DLGAP1: variants seen among roughly 807,000 people sequenced by gnomAD.
The protein encoded by DLGAP1 is disks large-associated protein 1.
In DLGAP1, 11 loss-of-function variants were observed where a neutral mutation model predicts 90.8. That is an observed-to-expected ratio of 0.12 (90% confidence interval 0.08 to 0.20). The LOEUF (loss-of-function observed/expected upper bound fraction) is 0.20, where lower values mean the gene tolerates loss of function less well. Among genes scored for constraint, DLGAP1 ranks in the 10% least tolerant of loss-of-function variants. The pLI is 1.00. For missense variants in DLGAP1, 1,050 were observed against 1,333.8 expected, an observed-to-expected ratio of 0.79 and a Z score of 3.31; for synonymous variants, 558 against 540.7, an observed-to-expected ratio of 1.03 and a Z score of -0.44.
intron 8 of DLGAP1, among the ~76,000 whole-genome samples, chr18:3,568,929 G>T (rs554933221): frequency 6.6e-6 from 1 of 151,380 alleles, no homozygotes; most frequent in Non-Finnish European, 1.5e-5. Context: ...CTCGTGATCC[G>T]CCCGCCTCGG....
chr18:3,696,445 T>C (rs760107976), intron 7 of DLGAP1, among the ~76,000 whole-genome samples: 4 of 152,226 alleles, frequency 2.6e-5, no homozygotes, highest in Non-Finnish European at 5.9e-5. Context: ...TCTGCATCTA[T>C]TGAAATAATC....
At chr18:4,099,409 C>T (rs2075742370) in intron 2 of DLGAP1, among the ~76,000 whole-genome samples, 1 of 151,956 alleles carries the variant, frequency 6.6e-6, no homozygotes, top group African/African-American at 2.4e-5. Flanking sequence ...GGTTCTGGAC[C>T]ACAGCAATAA....
chr18:4,125,815 T>C (rs562516568), intron 2 of DLGAP1, among the ~76,000 whole-genome samples: 1 of 152,280 alleles, frequency 6.6e-6, no homozygotes, highest in East Asian at 1.9e-4. Context: ...TTTACTGTTT[T>C]TATGTCTTGG....
At chr18:3,699,500 C>T (rs967772770) in intron 7 of DLGAP1, among the ~76,000 whole-genome samples, 4 of 152,154 alleles carry the variant, frequency 2.6e-5, no homozygotes, top group African/African-American at 9.7e-5. Flanking sequence ...GCTGTTCTTT[C>T]CTCTGGAAGC....
At chr18:3,580,667 C>T (rs2055441771) in intron 8 of DLGAP1, 3 of 1,609,098 alleles carry the variant, frequency 1.9e-6, no homozygotes, top group African/African-American at 1.3e-5. Flanking sequence ...ATTGCTGGGC[C>T]CGGCCCCTGA....
At chr18:3,999,285 C>T (rs9303937) in intron 3 of DLGAP1, among the ~76,000 whole-genome samples, 144,660 of 152,072 alleles carry the variant, frequency 0.95, 68,801 homozygotes, top group East Asian at 1. Flanking sequence ...AAGAAACATA[C>T]ATATTATTAT....
chr18:4,357,322 T>C (rs1214060088), intron 1 of DLGAP1, among the ~76,000 whole-genome samples: 1 of 151,786 alleles, frequency 6.6e-6, no homozygotes, highest in African/African-American at 2.4e-5. Flanking sequence ...CCTGGCTAAT[T>C]TTTGTATTTT....
chr18:4,167,928 G>T (rs4798189), intron 1 of DLGAP1, among the ~76,000 whole-genome samples: 1 of 152,064 alleles, frequency 6.6e-6, no homozygotes, highest in South Asian at 2.1e-4. Flanking sequence ...TTCTGATGAA[G>T]AAATAAAAGA....
chr18:3,571,265 A>G (rs1181373882), intron 8 of DLGAP1: 1 of 148,574 alleles, frequency 6.7e-6, no homozygotes, highest in African/African-American at 2.6e-5. Context: ...GGCTATTCAC[A>G]AAGTCGATCC....
intron 2 of DLGAP1, among the ~76,000 whole-genome samples, chr18:4,078,962 C>G (rs2075564227): frequency 6.6e-6 from 1 of 152,034 alleles, no homozygotes; most frequent in East Asian, 1.9e-4. Context: ...CAAACTTTGA[C>G]TGTTTTACAA....
chr18:4,360,864 C>T (rs2081616255), intron 1 of DLGAP1, among the ~76,000 whole-genome samples: 1 of 152,070 alleles, frequency 6.6e-6, no homozygotes, highest in South Asian at 2.1e-4. Flanking sequence ...CCTGTAATCT[C>T]AGCTACTCAG....
chr18:4,016,212 A>C (rs1185436401), intron 2 of DLGAP1, among the ~76,000 whole-genome samples: 2 of 152,252 alleles, frequency 1.3e-5, no homozygotes, highest in African/African-American at 4.8e-5. Flanking sequence ...AAAATATAAA[A>C]GCAATATAAA....
chr18:3,681,764 T>A (rs2060520964), intron 7 of DLGAP1, among the ~76,000 whole-genome samples: 1 of 152,162 alleles, frequency 6.6e-6, no homozygotes, highest in Non-Finnish European at 1.5e-5. Flanking sequence ...TTCTCGTGAA[T>A]AGCTTAGCAC....
intron 7 of DLGAP1, chr18:3,594,115 G>C (rs1034612969): frequency 6.6e-6 from 1 of 152,056 alleles, no homozygotes; most frequent in African/African-American, 2.4e-5. Flanking sequence ...GCAATCCACA[G>C]CAGCTGCCCC....
At chr18:3,819,607 T>C (rs1267327809) in intron 4 of DLGAP1, among the ~76,000 whole-genome samples, 4 of 152,202 alleles carry the variant, frequency 2.6e-5, no homozygotes, top group Non-Finnish European at 5.9e-5. Flanking sequence ...TAATGTCTTA[T>C]GATCCTTACA....
intron 2 of DLGAP1, among the ~76,000 whole-genome samples, chr18:4,043,071 AT>A (rs2074999466): frequency 6.6e-6 from 1 of 152,186 alleles, no homozygotes; most frequent in African/African-American, 2.4e-5. Context: ...TAGGTTTTAA[AT>A]TTTCTGTTGA....
chr18:3,834,040 T>C (rs56067348), intron 4 of DLGAP1, among the ~76,000 whole-genome samples: 2,528 of 152,118 alleles, frequency 0.017, 32 homozygotes, highest in Non-Finnish European at 0.027. Context: ...GGCGTGGTGG[T>C]TCACACCTGT....
At chr18:3,769,921 A>G (rs1338678615) in intron 5 of DLGAP1, 1 of 152,132 alleles carries the variant, frequency 6.6e-6, no homozygotes, top group Non-Finnish European at 1.5e-5. Context: ...TTAATCTACA[A>G]TTATCTCAAA....
chr18:4,207,889 A>G (rs2077755163), intron 1 of DLGAP1, among the ~76,000 whole-genome samples: 1 of 152,124 alleles, frequency 6.6e-6, no homozygotes, highest in Non-Finnish European at 1.5e-5. Context: ...ATGTGTGTGG[A>G]GCAGAATAAA....
Sources: allele counts gnomAD v4.1 joint callset (sites outside exome capture counted in the v4.1 genomes callset), GRCh38; gene constraint gnomAD v4.1.1; transcripts MANE v1.5; gene names NCBI Gene and HGNC (gene_info 2026-07-23, HGNC 2026-07-21).